Variants in SCNN1B observed in about 807,000 individuals in gnomAD.
SCNN1B encodes the protein sodium channel epithelial 1 subunit beta, also known as epithelial sodium channel subunit beta.
A neutral mutation model predicts 65.3 loss-of-function variants in SCNN1B; 46 were observed. The observed-to-expected ratio is 0.70, with a 90% CI of 0.56 to 0.90. The LOEUF is 0.90. SCNN1B is among the 40% of genes least tolerant of loss of function. The pLI is 0.00. For missense variants in SCNN1B, 751 were observed against 830.5 expected (o/e 0.90, Z 1.18); for synonymous variants, 349 against 330.6 (o/e 1.06, Z -0.60).
At chr16:23,327,520 C>T (rs1413370340) in intron 1 of SCNN1B, among the ~76,000 whole-genome samples, 1 of 151,808 alleles carries the variant, frequency 6.6e-6, no homozygotes, top group Non-Finnish European at 1.5e-5. Context: ...GGAGGCAGAG[C>T]AAGACTCCAT....
chr16:23,342,516 G>T (rs1962073775), intron 1 of SCNN1B, among the ~76,000 whole-genome samples: 1 of 152,168 alleles, frequency 6.6e-6, no homozygotes. Flanking sequence ...CAAATTGCTG[G>T]AATTATAGGC....
intron 2 of SCNN1B, among the ~76,000 whole-genome samples, chr16:23,291,193 C>G (rs1273936635): frequency 6.6e-6 from 1 of 151,874 alleles, no homozygotes; most frequent in Admixed American, 6.6e-5. Flanking sequence ...TCCCAAGCAG[C>G]TGGGACTACA....
At chr16:23,327,224 G>GT (rs1567298448) in intron 1 of SCNN1B, among the ~76,000 whole-genome samples, 2 of 151,770 alleles carry the variant, frequency 1.3e-5, no homozygotes, top group South Asian at 4.2e-4. Context: ...GCCTAACATA[G>GT]TTTTTTTAAA....
chr16:23,347,804 G>C (rs1444702908), intron 1 of SCNN1B, among the ~76,000 whole-genome samples: 1 of 152,216 alleles, frequency 6.6e-6, no homozygotes. Flanking sequence ...AGCTACTTAG[G>C]AGGCTGAGGT....
intron 2 of SCNN1B, among the ~76,000 whole-genome samples, chr16:23,291,574 T>C (rs146172403): frequency 1.3e-5 from 2 of 151,880 alleles, no homozygotes; most frequent in African/African-American, 4.8e-5. Flanking sequence ...ATTTTATTTA[T>C]TTTTTATTAT....
At chr16:23,312,026 C>T (rs527615541) in intron 1 of SCNN1B, among the ~76,000 whole-genome samples, 1 of 152,124 alleles carries the variant, frequency 6.6e-6, no homozygotes, top group African/African-American at 2.4e-5. Flanking sequence ...CTTCATTACC[C>T]CACTACATTG....
intron 1 of SCNN1B, among the ~76,000 whole-genome samples, chr16:23,330,684 C>T (rs1411597261): frequency 1.3e-5 from 2 of 152,074 alleles, no homozygotes; most frequent in Non-Finnish European, 2.9e-5. Context: ...GTGATCCTCC[C>T]TCCTCAGCCT....
chr16:23,296,772 C>A (rs901350046), intron 2 of SCNN1B, among the ~76,000 whole-genome samples: 1 of 151,990 alleles, frequency 6.6e-6, no homozygotes, highest in Non-Finnish European at 1.5e-5. Flanking sequence ...GAGGCCAAGG[C>A]GGGCAGATCA....
At chr16:23,339,624 G>A (rs1352527841) in intron 1 of SCNN1B, among the ~76,000 whole-genome samples, 1 of 151,366 alleles carries the variant, frequency 6.6e-6, no homozygotes, top group African/African-American at 2.4e-5. Context: ...GGAGTGCAAT[G>A]GCACGATCTC....
rs1596859692 is a variant in SCNN1B, at chr16:23,348,448, G to C, written c.-8-144G>C. ...TAGCCAAAGGAAGGAAGAAAAGAAG[G>C]AAAAAAGGGAGGGAGGGAGGGGGGA... On this transcript the variant is annotated intron_variant, in intron 1 of 12. Transcript: ENST00000343070. The surrounding 1 kb of genome is among the most constrained non-coding windows in gnomAD (Gnocchi z 4.5). 2 of 667,602 alleles carry C rather than the reference G, an allele frequency of 3.0e-6. No individual in the cohort carries two copies. The highest frequency in any genetic ancestry group is 5.5e-5 in the Admixed American group (2 of 36,604). The allele number at this position is 667,602 out of a possible 1,614,324, so 41.4% of individuals were successfully genotyped here. A position where few individuals can be genotyped will look rare whatever the true frequency, so the allele number is the denominator to read the frequency against.
chr16:23,311,492 A>G (rs190866496), intron 1 of SCNN1B, among the ~76,000 whole-genome samples: 1 of 152,256 alleles, frequency 6.6e-6, no homozygotes, highest in East Asian at 1.9e-4. Context: ...TGGGTGTCTC[A>G]CCTACGTCTA....
chr16:23,299,448 CAA>C (rs1301964276), upstream of SCNN1B, among the ~76,000 whole-genome samples: 2 of 152,194 alleles, frequency 1.3e-5, no homozygotes, highest in Non-Finnish European at 2.9e-5. Context: ...CATTGATTTT[CAA>C]AGTGAGGTCC....
intron 1 of SCNN1B, among the ~76,000 whole-genome samples, chr16:23,332,022 C>T (rs374193627): frequency 1.9e-4 from 29 of 152,026 alleles, no homozygotes; most frequent in African/African-American, 6.5e-4. Context: ...GATCTCTTGT[C>T]TTTTTGTTTT....
chr16:23,376,109 TG>T (rs1962889210), intron 8 of SCNN1B, among the ~76,000 whole-genome samples: 1 of 152,256 alleles, frequency 6.6e-6, no homozygotes, highest in African/African-American at 2.4e-5. Context: ...CGTGTCCTTG[TG>T]GGCCTGTGTC....
At chr16:23,287,805 C>A (rs1050779715) in intron 2 of SCNN1B, among the ~76,000 whole-genome samples, 2 of 139,498 alleles carry the variant, frequency 1.4e-5, no homozygotes, top group Non-Finnish European at 1.5e-5. Context: ...AACTAAGTAG[C>A]GTTTCCTTTT....
intron 5 of SCNN1B, among the ~76,000 whole-genome samples, chr16:23,369,021 G>A (rs927979748): frequency 3.3e-5 from 5 of 152,144 alleles, no homozygotes; most frequent in Admixed American, 2.0e-4. Flanking sequence ...ACAAAACTGC[G>A]CTTGAACCCC....
chr16:23,379,242 C>T (rs1962984505), intron 11 of SCNN1B, among the ~76,000 whole-genome samples: 1 of 152,152 alleles, frequency 6.6e-6, no homozygotes, highest in Non-Finnish European at 1.5e-5. Context: ...CAGCCATCCT[C>T]CGTTTATTCA....
intron 1 of SCNN1B, among the ~76,000 whole-genome samples, chr16:23,330,276 C>T (rs778580493): frequency 6.6e-6 from 1 of 152,146 alleles, no homozygotes; most frequent in African/African-American, 2.4e-5. Flanking sequence ...ATGGGCCCAA[C>T]GTGAACAATC....
At chr16:23,372,339 G>C (rs750382660) in intron 7 of SCNN1B, among the ~76,000 whole-genome samples, 3 of 152,110 alleles carry the variant, frequency 2.0e-5, no homozygotes, top group Non-Finnish European at 4.4e-5. Flanking sequence ...CATGTGTTAG[G>C]CAGTCACTGT....
Sources: gnomAD v4.1 joint callset for allele counts (sites outside exome capture counted in the v4.1 genomes callset) on GRCh38, gnomAD v4.1.1 for gene constraint, Gnocchi (gnomAD v3.1) non-coding constraint, MANE v1.5 for transcripts, NCBI Gene and HGNC (gene_info 2026-07-23, HGNC 2026-07-21) for gene names.